Variants in ZBTB25 observed in about 807,000 individuals in gnomAD.
The protein encoded by ZBTB25 is zinc finger and BTB domain-containing protein 25.
Under a neutral mutation model 34.2 loss-of-function variants are expected in ZBTB25, and 20 were observed. The ratio of observed to expected loss-of-function variants is 0.58; its 90% CI spans 0.41 to 0.85. The LOEUF is 0.85. Among genes scored for constraint, ZBTB25 ranks in the 40% least tolerant of loss-of-function variants. ZBTB25 has a pLI of 0.00. For synonymous variants in ZBTB25, 175 were observed against 186.4 expected, an observed-to-expected ratio of 0.94 and a Z score of 0.50; for missense variants, 437 against 521.8, an observed-to-expected ratio of 0.84 and a Z score of 1.58.
At chr14:64,472,400 A>C (rs1394350480) in intron 2 of ZBTB25, 1 of 166,970 alleles carries the variant, frequency 6.0e-6, no homozygotes, top group Non-Finnish European at 1.5e-5. Context: ...ATTTTGGGGG[A>C]TTTTTAAAAA....
At chr14:64,492,049 T>C (rs972074490) in intron 1 of ZBTB25, among the ~76,000 whole-genome samples, 16 of 143,688 alleles carry the variant, frequency 1.1e-4, no homozygotes, top group Admixed American at 2.2e-4. Flanking sequence ...GCCAGGAAGA[T>C]TGAGGCTACA....
intron 2 of ZBTB25, among the ~76,000 whole-genome samples, chr14:64,464,503 A>G (rs1243930270): frequency 6.6e-6 from 1 of 152,268 alleles, no homozygotes; most frequent in Non-Finnish European, 1.5e-5. Context: ...TCTTACAAAT[A>G]TAAAACATTT....
chr14:64,484,917 A>G lies in ZBTB25; in HGVS notation c.*2006T>C. 3 of 832,698 alleles carry G rather than the reference A, an allele frequency of 3.6e-6. No homozygotes were observed. Among genetic ancestry groups the G allele is most frequent in the Non-Finnish European group, 4.3e-6 (3 of 690,760 alleles). The allele number at this position is 832,698 out of a possible 1,614,324, so 51.6% of individuals were successfully genotyped here. A position where few individuals can be genotyped will look rare whatever the true frequency, so the allele number is the denominator to read the frequency against. On this transcript the variant is annotated 3_prime_UTR_variant, in exon 3 of 3. Coordinates refer to ENST00000608382, the MANE Select transcript of ZBTB25 (RefSeq NM_006977.5). ...AGTTGCTTAAGTGAATTGGTAGAAA[A>G]AAGTTTAAGATTAGACAAAGTTCTG...
rs12879827 is a variant in ZBTB25 at position 64,503,744 on chromosome 14, G to A, written c.-91C>T. On this transcript the variant is annotated 5_prime_UTR_variant, in exon 1 of 3. Transcript: ENST00000608382. ...CCGCGCACTGCAAGCAGTGGCGCCG[G>A]CTCACGCACCCCTCGGCCGCCTCTC... 0.47 allele frequency: 175,772 copies of A among 373,152 alleles called. 42,913 individuals carry two copies. Among genetic ancestry groups the A allele is most frequent in the East Asian group, 0.65 (3,929 of 6,010 alleles). The allele number at this position is 373,152 out of a possible 1,614,324, so 23.1% of individuals were successfully genotyped here.
intron 2 of ZBTB25, chr14:64,472,905 A>G (rs2078689455): frequency 6.0e-6 from 1 of 166,886 alleles, no homozygotes; most frequent in Non-Finnish European, 1.5e-5. Flanking sequence ...CACCACATGA[A>G]TTTTCTTTAC....
intron 1 of ZBTB25, among the ~76,000 whole-genome samples, chr14:64,498,398 C>T (rs1361182043): frequency 1.8e-4 from 27 of 151,780 alleles, no homozygotes; most frequent in Admixed American, 1.7e-3. Flanking sequence ...ATGCAACCTC[C>T]GCCTCCTGGG....
At chr14:64,463,245 CA>C in intron 2 of ZBTB25, 1 of 152,238 alleles carries the variant, frequency 6.6e-6, no homozygotes, top group African/African-American at 2.4e-5. Context: ...CACACACACA[CA>C]CACACACACA....
intron 2 of ZBTB25, among the ~76,000 whole-genome samples, chr14:64,455,399 T>C (rs1034340380): frequency 4.6e-5 from 7 of 152,200 alleles, no homozygotes; most frequent in Non-Finnish European, 7.3e-5. Context: ...TTATTTACGC[T>C]TCAAGGTGAA....
chr14:64,451,549 C>G (rs960394798), intron 2 of ZBTB25, among the ~76,000 whole-genome samples: 5 of 152,336 alleles, frequency 3.3e-5, no homozygotes, highest in Admixed American at 2.0e-4. Flanking sequence ...TAGAAAAATG[C>G]CATAAACACA....
At position 64,490,439 on chromosome 14, in the gene ZBTB25, T is replaced by A; in HGVS notation, c.95A>T (p.Asp32Val). ...TGCTCTGTGGGCTTTGAAGTAAACA[T>A]CTCCAATTGCAACTGTGCAATCACA... ...FLCDCTVAIG[D>V]VYFKAHRAVL... Residue 32 changes from aspartate (D) to valine (V), a missense_variant, in exon 2 of 3, where the codon GAT (aspartate) becomes GTT (valine). Asp to Val is a radical substitution (Grantham distance 152, BLOSUM62 -3). Coordinates refer to ENST00000608382, the MANE Select transcript of ZBTB25 (RefSeq NM_006977.5). 1 of 1,613,952 alleles carries A rather than the reference T, an allele frequency of 6.2e-7. No individual in the cohort carries two copies. The highest frequency in any genetic ancestry group is 8.5e-7 in the Non-Finnish European group (1 of 1,179,902).
At chr14:64,454,727 T>G in intron 2 of ZBTB25, 1 of 1,613,522 alleles carries the variant, frequency 6.2e-7, no homozygotes, top group Non-Finnish European at 8.5e-7. Flanking sequence ...CCCCAGGGCT[T>G]TGGGAATCTC....
chr14:64,452,566 A>G (rs527593343), intron 2 of ZBTB25, among the ~76,000 whole-genome samples: 1 of 152,342 alleles, frequency 6.6e-6, no homozygotes, highest in South Asian at 2.1e-4. Context: ...CAGTTAGACC[A>G]CTGGTCTCTG....
intron 2 of ZBTB25, chr14:64,469,687 C>T: frequency 6.5e-7 from 1 of 1,530,510 alleles, no homozygotes; most frequent in South Asian, 1.3e-5. Flanking sequence ...GACTTACTCT[C>T]CAGAGTCACG....
intron 2 of ZBTB25, among the ~76,000 whole-genome samples, chr14:64,488,356 C>T (rs775373437): frequency 1.3e-5 from 2 of 151,722 alleles, no homozygotes; most frequent in Non-Finnish European, 2.9e-5. Flanking sequence ...TAGATGCCAG[C>T]GGTAGAAAAC....
Position 64,482,235 on chromosome 14 carries a change from A to G in ZBTB25, c.*4688T>C, listed in dbSNP as rs10145005. On this transcript the variant is annotated 3_prime_UTR_variant, in exon 3 of 3. Transcript: ENST00000608382. ...TGGGAGGCTGAGATAGGCAGATCAC[A>G]AGGTCAGGAGTTCGAAACCAGCCTT... 0.26 allele frequency: 39,623 copies of G among 151,888 alleles called. 5,505 individuals are homozygous for G. The highest frequency in any genetic ancestry group is 0.43 in the East Asian group (2,203 of 5,132). 9.4% of individuals were successfully genotyped at this position (151,888 alleles called of 1,614,324 possible).
At chr14:64,460,338 T>A (rs2078538999) in intron 2 of ZBTB25, 1 of 189,160 alleles carries the variant, frequency 5.3e-6, no homozygotes, top group East Asian at 1.3e-4. Flanking sequence ...GAATTCCCAT[T>A]TCTGTCACAG....
chr14:64,492,779 A>T (rs536053374), intron 1 of ZBTB25, among the ~76,000 whole-genome samples: 1 of 152,310 alleles, frequency 6.6e-6, no homozygotes, highest in South Asian at 2.1e-4. Context: ...TATTCAACAG[A>T]TATTTTTGAA....
At chr14:64,489,813 C>T (rs1010894698) in intron 2 of ZBTB25, among the ~76,000 whole-genome samples, 2 of 151,708 alleles carry the variant, frequency 1.3e-5, no homozygotes, top group African/African-American at 2.4e-5. Flanking sequence ...GGATTACAGG[C>T]GTGAGCCATG....
chr14:64,458,088 A>C (rs542587888), intron 2 of ZBTB25: 1 of 786,502 alleles, frequency 1.3e-6, no homozygotes, highest in Non-Finnish European at 2.3e-6. Flanking sequence ...TGGGGGTCTC[A>C]CTATGTTGCC....
Sources: gnomAD v4.1 joint callset for allele counts (sites outside exome capture counted in the v4.1 genomes callset) on GRCh38, gnomAD v4.1.1 for gene constraint, MANE v1.5 for transcripts, NCBI Gene and HGNC (gene_info 2026-07-23, HGNC 2026-07-21) for gene names.